Variants in CR1 observed in about 807,000 individuals in gnomAD.
CR1 encodes the protein complement C3b/C4b receptor 1 (Knops blood group), also known as complement receptor type 1.
Under a neutral mutation model 187.3 loss-of-function variants are expected in CR1, and 116 were observed. The ratio of observed to expected loss-of-function variants is 0.62; its 90% CI spans 0.53 to 0.72. The LOEUF (loss-of-function observed/expected upper bound fraction) is 0.72, where lower values mean the gene tolerates loss of function less well. CR1 is among the 30% of genes least tolerant of loss of function. The pLI is 0.00. For missense variants in CR1, 1,731 were observed against 2,110.7 expected (o/e 0.82, Z 3.52); for synonymous variants, 576 against 747.1 (o/e 0.77, Z 3.73).
chr1:207,526,659 T>C (rs886142256), intron 5 of CR1, 94 bp from the exon 6 acceptor site: 2 of 1,472,976 alleles, frequency 1.4e-6, no homozygotes, highest in Non-Finnish European at 1.8e-6. Context: ...TATTATTATA[T>C]ATAGATTTGT....
At chr1:207,583,853 G>T (rs918946723) in intron 32 of CR1, among the ~76,000 whole-genome samples, 3 of 152,088 alleles carry the variant, frequency 2.0e-5, no homozygotes, top group Admixed American at 6.6e-5. Context: ...TGTAAACATT[G>T]GTTAAGCTAT....
At chr1:207,566,291 CCTTT>C (rs201104393) in intron 24 of CR1, among the ~76,000 whole-genome samples, 2,111 of 149,940 alleles carry the variant, frequency 0.014, 254 homozygotes, top group African/African-American at 0.049. Flanking sequence ...CTCCTTCTCC[CCTTT>C]CTTCTTTCCT....
chr1:207,573,573 G>C (rs1253489645), intron 27 of CR1, among the ~76,000 whole-genome samples: 9 of 151,620 alleles, frequency 5.9e-5, no homozygotes, highest in African/African-American at 2.2e-4. Flanking sequence ...TTTTACAAAA[G>C]AGATTTACTG....
chr1:207,624,290 G>A lies in CR1; in HGVS notation c.7352+1222G>A, dbSNP rs56242770. Among the ~76,000 whole-genome samples, 626 of 152,060 alleles carry A rather than the reference G, an allele frequency of 4.1e-3. 12 individuals are homozygous for A. The highest frequency in any genetic ancestry group is 0.038 in the Admixed American group (586 of 15,266). On this transcript the variant is annotated intron_variant, in intron 45 of 46. Coordinates refer to ENST00000367049, the MANE Select transcript of CR1 (RefSeq NM_000651.6). ...AAGACTAAGATCTGAATAAAGAAAC[G>A]TCTTTGACAGGGAAGAGAACCTACA...
chr1:207,496,442 C>G (rs1659088141), intron 1 of CR1, 54 bp downstream of exon 1: 8 of 1,537,970 alleles, frequency 5.2e-6, no homozygotes, highest in Non-Finnish European at 7.0e-6. Flanking sequence ...AACCCGGGGC[C>G]CCGCAGAGAA....
chr1:207,512,257 A>G (rs1659647453), intron 4 of CR1, among the ~76,000 whole-genome samples: 1 of 152,256 alleles, frequency 6.6e-6, no homozygotes, highest in East Asian at 1.9e-4. Context: ...ATCTACTAGT[A>G]GGAAAAAGAT....
chr1:207,581,769 C>T (rs1660963212), intron 31 of CR1, 149 bp from the exon 32 acceptor site: 2 of 488,678 alleles, frequency 4.1e-6, no homozygotes, highest in Admixed American at 3.8e-5. Context: ...CAATGAGAAA[C>T]TAAGTGAGTT....
Position 207,616,646 on chromosome 1 carries a change from T to C in CR1, c.6733T>C (p.Tyr2245His), listed in dbSNP as rs2102394348. 3 of 1,613,840 alleles carry C rather than the reference T, an allele frequency of 1.9e-6. No individual in the cohort carries two copies. Among genetic ancestry groups the C allele is most frequent in the Admixed American group, 3.3e-5 (2 of 60,008 alleles). ...AGGAACTCCCTTTGGAGATATTCCCTATGGAAAAGAAATATCTTACGCATG... is the reference window on the plus strand; with the variant it reads ...AGGAACTCCCTTTGGAGATATTCCCCATGGAAAAGAAATATCTTACGCATG... ...HTGTPFGDIPYGKEISYACDT... is the reference protein window; with the variant it reads ...HTGTPFGDIPHGKEISYACDT... The change falls in exon 41 of 47, where the codon TAT (tyrosine) becomes CAT (histidine). Residue 2245 changes from tyrosine to histidine, a missense_variant. Transcript: ENST00000367049.
intron 46 of CR1, among the ~76,000 whole-genome samples, chr1:207,636,168 C>T (rs928423297): frequency 2.6e-5 from 4 of 152,010 alleles, no homozygotes; most frequent in African/African-American, 4.8e-5. Flanking sequence ...TGCAGACTAA[C>T]AACAGACAAA....
Position 207,524,012 on chromosome 1 carries a change from G to A in CR1, c.886+3G>A, listed in dbSNP as rs749512995. On this transcript the variant is annotated splice_donor_region_variant and intron_variant, in intron 5 of 46. Transcript: ENST00000367049. Reference sequence around the variant, plus strand: ...GGAGCTACCAAGCTGCTCCAGGGGTGAGTCTGACTGAGGCCTAGAAGGGCC... The same window carrying A: ...GGAGCTACCAAGCTGCTCCAGGGGTAAGTCTGACTGAGGCCTAGAAGGGCC... 2.5e-6 allele frequency: 4 copies of A among 1,611,792 alleles called. No individual in the cohort carries two copies. In the East Asian group the frequency reaches 8.9e-5, roughly 36 times the overall value.
chr1:207,611,793 G>A lies in CR1; in HGVS notation c.6412G>A (p.Ala2138Thr), dbSNP rs1661938048. ...SCEPSYDLRGAASLHCTPQGD... is the reference protein window; with the variant it reads ...SCEPSYDLRGTASLHCTPQGD... ...TGAGCCCAGCTATGACCTCAGAGGG[G>A]CTGCGTCTCTGCACTGCACGCCCCA... is the stretch of plus-strand genomic sequence containing the variant. Residue 2138 changes from alanine to threonine, a missense_variant, in exon 38 of 47, where the codon GCT (alanine) becomes ACT (threonine). This residue lies in a region of CR1 where 1,312 missense variants were observed against 1,379.6 expected (regional missense o/e 0.95). Transcript: ENST00000367049. The A allele has an allele frequency of 1.9e-6, 3 of 1,613,978 alleles. No homozygotes were observed. The highest frequency in any genetic ancestry group is 2.5e-6 in the Non-Finnish European group (3 of 1,179,892).
At chr1:207,617,072 G>C (rs116125277) in intron 41 of CR1, among the ~76,000 whole-genome samples, 3,743 of 152,154 alleles carry the variant, frequency 0.025, 57 homozygotes, top group Admixed American at 0.033. Flanking sequence ...ATGAGGTCCA[G>C]ATTTAGTAGG....
chr1:207,622,434 G>A (rs768409967), intron 44 of CR1, among the ~76,000 whole-genome samples: 1 of 152,134 alleles, frequency 6.6e-6, no homozygotes. Flanking sequence ...GAATAGTTTT[G>A]TAATAAAGTT....
chr1:207,496,357 T>G lies in CR1; in HGVS notation c.90T>G (p.Val30=). The G allele has an allele frequency of 6.2e-7, 1 of 1,611,984 alleles. No individual in the cohort carries two copies. Among genetic ancestry groups the G allele is most frequent in the Non-Finnish European group, 8.5e-7 (1 of 1,179,414 alleles). The change falls in exon 1 of 47, where the codon GTT becomes GTG. Residue 30 remains valine, a synonymous_variant. Transcript: ENST00000367049. ...PFCCGGSLLA[V]VVLLALPVAW... is the part of the protein sequence containing the mutation. ...GCTGCGGAGGATCCCTGCTGGCGGT[T>G]GTGGTGCTGCTTGCGCTGCCGGTGG...
chr1:207,605,472 C>T (rs1661723612), intron 35 of CR1, among the ~76,000 whole-genome samples: 1 of 151,694 alleles, frequency 6.6e-6, no homozygotes, highest in Non-Finnish European at 1.5e-5. Flanking sequence ...TAAATATATA[C>T]AATTATTGTT....
intron 3 of CR1, 74 bp from the exon 4 acceptor site, chr1:207,511,495 T>A: frequency 6.9e-7 from 1 of 1,441,894 alleles, no homozygotes; most frequent in Non-Finnish European, 9.7e-7. Context: ...GAGTGTAATC[T>A]CTGGAAGTAG....
intron 4 of CR1, among the ~76,000 whole-genome samples, chr1:207,519,564 G>A (rs1435671880): frequency 2.0e-5 from 3 of 152,226 alleles, no homozygotes; most frequent in Admixed American, 6.5e-5. Context: ...CGCAAGTACC[G>A]AAACTATTAA....
rs201131753 is a variant in CR1 at position 207,567,865 on chromosome 1, C to T, written c.3994C>T (p.His1332Tyr). The T allele has an allele frequency of 1.7e-4, 267 of 1,610,828 alleles. 29 individuals carry two copies. In the African/African-American group the frequency reaches 2.7e-3, roughly 16 times the overall value. Residue 1332 changes from histidine (H) to tyrosine (Y), a missense_variant, in exon 25 of 47, where the codon CAC (histidine) becomes TAC (tyrosine). By Grantham distance (83) the His-to-Tyr change is moderately conservative. Around this residue, in one of 5 missense-constraint regions of CR1, gnomAD observed 1,312 missense variants for 1,379.6 expected, o/e 0.95. Coordinates refer to ENST00000367049, the MANE Select transcript of CR1 (RefSeq NM_000651.6). The stretch of plus-strand genomic sequence containing the variant: ...TCCTCCAGTTATTCCTAATGGGAGA[C>T]ACACAGGAAAACCTCTGGAAGTCTT... ...PSPPVIPNGR[H>Y]TGKPLEVFPF...
chr1:207,496,369 T>C lies in CR1; in HGVS notation c.102T>C (p.Leu34=), dbSNP rs2296879. The part of the protein sequence containing the change: ...GGSLLAVVVL[L]ALPVAWGQCN... The stretch of plus-strand genomic sequence containing the variant: ...CCCTGCTGGCGGTTGTGGTGCTGCT[T>C]GCGCTGCCGGTGGCCTGGGGTGAGA... Residue 34 remains leucine (L), a synonymous_variant, in exon 1 of 47, where the codon CTT becomes CTC. Coordinates refer to ENST00000367049, the MANE Select transcript of CR1 (RefSeq NM_000651.6). 3.4e-5 allele frequency: 55 copies of C among 1,610,624 alleles called. No homozygotes were observed. The East Asian group carries it at 1.1e-3, about 33-fold the overall frequency.
Sources: gnomAD v4.1 joint callset for allele counts (sites outside exome capture counted in the v4.1 genomes callset) on GRCh38, gnomAD v4.1.1 for gene constraint, gnomAD v4.1.1 regional missense constraint, MANE v1.5 for transcripts, NCBI Gene and HGNC (gene_info 2026-07-23, HGNC 2026-07-21) for gene names.